Variants in PTPRN observed in about 807,000 individuals in gnomAD.
PTPRN encodes protein tyrosine phosphatase receptor type N.
Under a neutral mutation model 108.5 loss-of-function variants are expected in PTPRN, and 70 were observed. The ratio of observed to expected loss-of-function variants is 0.65; its 90% CI spans 0.53 to 0.79. The LOEUF (loss-of-function observed/expected upper bound fraction) is 0.79, where lower values mean the gene tolerates loss of function less well. Ranked by LOEUF, PTPRN falls within the 30% of genes least tolerant of loss-of-function variation. The pLI, the probability that PTPRN is intolerant of heterozygous loss-of-function variation, is 0.00. For missense variants in PTPRN, 1,136 were observed against 1,295.5 expected (o/e 0.88, Z 1.89); for synonymous variants, 496 against 524.6 (o/e 0.95, Z 0.75).
chr2:219,299,866 A>G (rs1952298382), intron 9 of PTPRN, 80 bp from the exon 10 acceptor site: 5 of 1,558,306 alleles, frequency 3.2e-6, no homozygotes, highest in Admixed American at 1.8e-5. Flanking sequence ...CTCCAGGGGT[A>G]CAGAGCAGCC....
intron 19 of PTPRN, chr2:219,291,886 G>T: frequency 6.0e-6 from 2 of 334,294 alleles, no homozygotes; most frequent in South Asian, 3.1e-5. Flanking sequence ...TGCTAGGTCT[G>T]GCACACAATA....
In PTPRN at chr2:219,295,140, A is replaced by T; in HGVS notation, c.2510T>A (p.Val837Glu). 1.2e-6 allele frequency: 2 copies of T among 1,609,302 alleles called. No individual in the cohort carries two copies. The change falls in exon 19 of 23, where the codon GTG becomes GAG. Residue 837 changes from valine (V) to glutamate (E), a missense_variant and splice_region_variant. Physicochemically the swap from Val to Glu is moderately radical, Grantham distance 121. Transcript: ENST00000295718. Reference protein sequence around the residue: ...EGASLYHVYEVNLVSEHIWCE... With the variant: ...EGASLYHVYEENLVSEHIWCE... Reference sequence around the variant, plus strand: ...CCAGATGTGCTCCGACACCAGGTTCACCTGCCCGGCAGGGGCCCAGGCCTG... The same window carrying T: ...CCAGATGTGCTCCGACACCAGGTTCTCCTGCCCGGCAGGGGCCCAGGCCTG...
chr2:219,309,176 T>TGCCC, intron 1 of PTPRN, 42 bp downstream of exon 1: 102 of 1,364,196 alleles, frequency 7.5e-5, no homozygotes, highest in Middle Eastern at 1.8e-4. Flanking sequence ...CCCAAGCTGC[T>TGCCC]CCCCGCCCCC....
rs1307583936 is a variant in PTPRN at position 219,301,659 on chromosome 2, A to G, written c.1055T>C (p.Leu352Pro). Residue 352 changes from leucine to proline, a missense_variant, in exon 7 of 23, where the codon CTG becomes CCG. By Grantham distance (98) the Leu-to-Pro change is moderately conservative. Transcript: ENST00000295718. The stretch of plus-strand genomic sequence containing the variant: ...GAGTGTGGAGAGCTGCTCAGGGGTC[A>G]GCTGACGCAGCTCTACCCCATAGCC... ...LAGYGVELRQ[L>P]TPEQLSTLLT... 1 of 1,613,594 alleles carries G rather than the reference A, an allele frequency of 6.2e-7. No individual in the cohort carries two copies. Among genetic ancestry groups the G allele is most frequent in the Non-Finnish European group, 8.5e-7 (1 of 1,179,542 alleles).
chr2:219,307,720 T>C (rs1952519172), intron 2 of PTPRN, 72 bp downstream of exon 2: 2 of 1,565,082 alleles, frequency 1.3e-6, no homozygotes, highest in Middle Eastern at 3.4e-4. Context: ...TTCTGGGCCT[T>C]CTCTCCCCTT....
At chr2:219,291,759 A>G in intron 19 of PTPRN, 1 of 580,400 alleles carries the variant, frequency 1.7e-6, no homozygotes, top group South Asian at 2.0e-5. Context: ...CACCTGGAAC[A>G]ACTGATTTAA....
At chr2:219,301,937 C>T (rs569465917) in intron 6 of PTPRN, among the ~76,000 whole-genome samples, 200 bp downstream of exon 6, 1 of 152,196 alleles carries the variant, frequency 6.6e-6, no homozygotes. Context: ...TGACTCTCCA[C>T]TGGAAGGAGA....
intron 3 of PTPRN, chr2:219,306,980 C>G (rs1262292387): frequency 6.5e-6 from 1 of 153,622 alleles, no homozygotes; most frequent in African/African-American, 2.4e-5. Flanking sequence ...ACTTTTATAG[C>G]GTGTTTCCTC....
At chr2:219,307,946 C>A in intron 1 of PTPRN, 104 bp from the exon 2 acceptor site, 2 of 1,169,982 alleles carry the variant, frequency 1.7e-6, no homozygotes, top group Non-Finnish European at 1.3e-6. Context: ...TTTATTCTTT[C>A]ATTCTAAAGA....
chr2:219,298,035 G>A lies in PTPRN; in HGVS notation c.1737C>T (p.Leu579=). The change falls in exon 13 of 23, where the codon CTC becomes CTT. Residue 579 remains leucine, a synonymous_variant. Coordinates refer to ENST00000295718, the MANE Select transcript of PTPRN (RefSeq NM_002846.4). ...HSTSPMRSVL[L]TLVALAGVAG... ...CCACACCTGCCAGGGCCACCAGAGT[G>A]AGCAGCACTGAGCGCATGGGTGAGG... 6.2e-7 allele frequency: 1 copy of A among 1,614,094 alleles called. No homozygotes were observed. Among genetic ancestry groups the A allele is most frequent in the Non-Finnish European group, 8.5e-7 (1 of 1,180,010 alleles).
intron 7 of PTPRN, 144 bp from the exon 8 acceptor site, chr2:219,301,121 G>C: frequency 1.3e-6 from 1 of 786,626 alleles, no homozygotes; most frequent in South Asian, 1.7e-5. Flanking sequence ...CCCTGTTACT[G>C]GTCTCATCCT....
At chr2:219,309,126 T>C (rs751863696) in intron 1 of PTPRN, 92 bp downstream of exon 1, 21 of 1,411,336 alleles carry the variant, frequency 1.5e-5, no homozygotes, top group Non-Finnish European at 1.7e-5. Context: ...CCGAGCTTCA[T>C]GACATTTCAC....
Position 219,299,296 on chromosome 2 carries a change from G to C in PTPRN, c.1603+9C>G. Reference sequence around the variant, plus strand: ...CCAAGCCTGGGATTGAGGTCGCAGAGATATTTACCTGCTTGTTGGGTCACA... The same window carrying C: ...CCAAGCCTGGGATTGAGGTCGCAGACATATTTACCTGCTTGTTGGGTCACA... On this transcript the variant is annotated intron_variant, in intron 11 of 22. Coordinates refer to ENST00000295718, the MANE Select transcript of PTPRN (RefSeq NM_002846.4). 1 of 1,613,834 alleles carries C rather than the reference G, an allele frequency of 6.2e-7. No individual in the cohort carries two copies. Among genetic ancestry groups the C allele is most frequent in the African/African-American group, 1.3e-5 (1 of 75,046 alleles).
chr2:219,294,398 GT>G (rs1282104330), intron 19 of PTPRN, among the ~76,000 whole-genome samples: 1 of 148,498 alleles, frequency 6.7e-6, no homozygotes, highest in African/African-American at 2.5e-5. Flanking sequence ...GAGGGAAAGG[GT>G]GAGGCAGAGA....
rs764653362 is a variant in PTPRN at position 219,302,653 on chromosome 2, G to C, written c.562C>G (p.Leu188Val). 6.2e-7 allele frequency: 1 copy of C among 1,613,800 alleles called. No individual in the cohort carries two copies. The highest frequency in any genetic ancestry group is 1.7e-5 in the Admixed American group (1 of 59,982). Residue 188 changes from leucine to valine, a missense_variant, in exon 5 of 23, where the codon CTG becomes GTG. Coordinates refer to ENST00000295718, the MANE Select transcript of PTPRN (RefSeq NM_002846.4). ...AELLPPLLEH[L>V]LLPPQPPHPS... ...TGGGGAGGCTGTGGGGGCAGCAGCA[G>C]GTGCTCCAAGAGAGGCGGGAGCAGC...
rs780123487 is a variant in PTPRN, at chr2:219,297,376, G to T, written c.1945C>A (p.Pro649Thr). 1 of 1,614,134 alleles carries T rather than the reference G, an allele frequency of 6.2e-7. No homozygotes were observed. Among genetic ancestry groups the T allele is most frequent in the Non-Finnish European group, 8.5e-7 (1 of 1,180,046 alleles). Reference protein sequence around the residue: ...KSLFNRAEGPPEPSRVSSVSS... With the variant: ...KSLFNRAEGPTEPSRVSSVSS... ...ACACTGCTCACCCGTGAAGGCTCCG[G>T]TGGACCCTCTGCCCGGTTGAACAAG... Residue 649 changes from proline (P) to threonine (T), a missense_variant, in exon 14 of 23, where the codon CCG becomes ACG. Physicochemically the swap from Pro to Thr is conservative, Grantham distance 38. Transcript: ENST00000295718. The surrounding 1 kb of genome is among the most constrained non-coding windows in gnomAD (Gnocchi z 6.0).
At chr2:219,308,664 C>T (rs762260581) in intron 1 of PTPRN, among the ~76,000 whole-genome samples, 55 of 152,008 alleles carry the variant, frequency 3.6e-4, no homozygotes, top group Middle Eastern at 6.3e-3. Flanking sequence ...GAGGACCCTC[C>T]CCTCTTCATC....
Position 219,299,693 on chromosome 2 carries a change from GC to G in PTPRN, c.1523+6del. ...CGGCCACTGCCCTAGCAAGATGCCAGCCCCACCTGATGTTGATGAAGCTGCC... is the reference window on the plus strand; with the variant it reads ...CGGCCACTGCCCTAGCAAGATGCCAGCCCACCTGATGTTGATGAAGCTGCC... On this transcript the variant is annotated splice_donor_region_variant and intron_variant, in intron 10 of 22. Coordinates refer to ENST00000295718, the MANE Select transcript of PTPRN (RefSeq NM_002846.4). 1 of 1,589,854 alleles carries G rather than the reference GC, an allele frequency of 6.3e-7. No homozygotes were observed. The highest frequency in any genetic ancestry group is 8.6e-7 in the Non-Finnish European group (1 of 1,163,972).
chr2:219,307,699 G>C, intron 2 of PTPRN, 93 bp downstream of exon 2: 3 of 1,506,134 alleles, frequency 2.0e-6, no homozygotes, highest in Non-Finnish European at 2.8e-6. Flanking sequence ...AAGCCCAGTA[G>C]CCCTCTTCCT....
Sources: gnomAD v4.1 joint callset for allele counts (sites outside exome capture counted in the v4.1 genomes callset) on GRCh38, gnomAD v4.1.1 for gene constraint, Gnocchi (gnomAD v3.1) non-coding constraint, MANE v1.5 for transcripts, NCBI Gene and HGNC (gene_info 2026-07-23, HGNC 2026-07-21) for gene names.